Variants in GOLPH3 observed in about 807,000 individuals in gnomAD.
GOLPH3 encodes coat protein GPP34.
In GOLPH3, 14 loss-of-function variants were observed where a neutral mutation model predicts 28.5. The observed-to-expected ratio is 0.49, with a 90% CI of 0.32 to 0.77. The LOEUF (loss-of-function observed/expected upper bound fraction) is 0.77. GOLPH3 is among the 30% of genes least tolerant of loss of function. The pLI is 0.03. For missense variants in GOLPH3, 350 were observed against 393.7 expected, an observed-to-expected ratio of 0.89 and a Z score of 0.94; for synonymous variants, 158 against 159.2, an observed-to-expected ratio of 0.99 and a Z score of 0.06.
chr5:32,147,467 G>A (rs75752091), intron 1 of GOLPH3, among the ~76,000 whole-genome samples: 3,597 of 152,076 alleles, frequency 0.024, 128 homozygotes, highest in East Asian at 0.17. Flanking sequence ...TCCTGGTGCA[G>A]AGGTTATTAC....
At chr5:32,142,535 G>T (rs1307552156) in intron 2 of GOLPH3, among the ~76,000 whole-genome samples, 3 of 138,880 alleles carry the variant, frequency 2.2e-5, no homozygotes, top group East Asian at 4.5e-4. Context: ...GCCTCTGCCC[G>T]GCCGCCCCTA....
chr5:32,143,189 C>G (rs1746119907), intron 2 of GOLPH3, among the ~76,000 whole-genome samples: 1 of 152,166 alleles, frequency 6.6e-6, no homozygotes, highest in African/African-American at 2.4e-5. Context: ...GCTGTATCCA[C>G]TCAGGGTTGA....
chr5:32,155,275 T>G (rs1746394756), intron 1 of GOLPH3, among the ~76,000 whole-genome samples: 2 of 152,286 alleles, frequency 1.3e-5, no homozygotes, highest in African/African-American at 4.8e-5. Context: ...AACCTTGAAC[T>G]GCTGGGCTGA....
At chr5:32,165,651 G>A (rs1325494457) in intron 1 of GOLPH3, among the ~76,000 whole-genome samples, 1 of 152,114 alleles carries the variant, frequency 6.6e-6, no homozygotes, top group Non-Finnish European at 1.5e-5. Flanking sequence ...TATGAGCTTT[G>A]ACACACAGAA....
At chr5:32,127,783 C>G (rs1392555786) in intron 3 of GOLPH3, among the ~76,000 whole-genome samples, 1 of 152,140 alleles carries the variant, frequency 6.6e-6, no homozygotes, top group Non-Finnish European at 1.5e-5. Context: ...GTAATCATTC[C>G]TAAAGCTGCC....
chr5:32,136,148 C>A (rs1444110762), intron 2 of GOLPH3, among the ~76,000 whole-genome samples: 1 of 151,930 alleles, frequency 6.6e-6, no homozygotes, highest in African/African-American at 2.4e-5. Flanking sequence ...GCACTCCACC[C>A]TGGACGAAAG....
At chr5:32,169,111 T>C (rs1215272195) in intron 1 of GOLPH3, among the ~76,000 whole-genome samples, 7 of 150,770 alleles carry the variant, frequency 4.6e-5, no homozygotes, top group Non-Finnish European at 1.0e-4. Flanking sequence ...CCTGTCTTTA[T>C]AAAAAAAAAA....
rs1051870339 is a variant in GOLPH3, at chr5:32,173,930, G to A, written c.105C>T (p.Ser35=). 2.0e-6 allele frequency: 3 copies of A among 1,489,986 alleles called. No homozygotes were observed. Among genetic ancestry groups the A allele is most frequent in the South Asian group, 2.6e-5 (2 of 77,704 alleles). 92.3% of individuals were successfully genotyped at this position (1,489,986 alleles called of 1,614,324 possible). Residue 35 remains serine (S), a synonymous_variant, in exon 1 of 4, where the codon AGC becomes AGT. Coordinates refer to ENST00000265070, the MANE Select transcript of GOLPH3 (RefSeq NM_022130.4). ...GGCGGCTCTGCGCGTCGTCCTCGCT[G>A]CTGCCGGCGCCGCCGCCCGCCGCCC... The part of the protein sequence containing the change: ...KERAAGGGAG[S]SEDDAQSRRD...
intron 1 of GOLPH3, among the ~76,000 whole-genome samples, chr5:32,172,695 AAAAACAAAAC>A (rs1212826822): frequency 6.6e-5 from 10 of 150,892 alleles, no homozygotes; most frequent in Admixed American, 5.9e-4. Flanking sequence ...GCTCCGTCTC[AAAAACAAAAC>A]AAAACAAAAA....
intron 2 of GOLPH3, among the ~76,000 whole-genome samples, chr5:32,140,979 A>C (rs960987919): frequency 6.6e-6 from 1 of 152,020 alleles, no homozygotes; most frequent in African/African-American, 2.4e-5. Flanking sequence ...CCCAGGCAAC[A>C]TAGCAAAACC....
At chr5:32,172,306 C>A (rs55683951) in intron 1 of GOLPH3, among the ~76,000 whole-genome samples, 1,603 of 151,772 alleles carry the variant, frequency 0.011, 33 homozygotes, top group African/African-American at 0.037. Context: ...ATATAAAACT[C>A]GCCTATATCT....
intron 2 of GOLPH3, among the ~76,000 whole-genome samples, chr5:32,138,195 C>T (rs546838527): frequency 6.6e-6 from 1 of 152,180 alleles, no homozygotes; most frequent in South Asian, 2.1e-4. Flanking sequence ...AGCCATCGTG[C>T]CCCACCAATT....
At chr5:32,138,295 A>G (rs1272940421) in intron 2 of GOLPH3, among the ~76,000 whole-genome samples, 1 of 152,248 alleles carries the variant, frequency 6.6e-6, no homozygotes, top group South Asian at 2.1e-4. Context: ...AATTAAAAAT[A>G]TATACATACA....
At position 32,126,379 on chromosome 5, in the gene GOLPH3, G is replaced by A. The variant is rs932429869; in HGVS notation, c.730C>T (p.His244Tyr). 1 of 1,614,192 alleles carries A rather than the reference G, an allele frequency of 6.2e-7. No individual in the cohort carries two copies. The highest frequency in any genetic ancestry group is 1.1e-5 in the South Asian group (1 of 91,082). The change falls in exon 4 of 4, where the codon CAT becomes TAT. Residue 244 changes from histidine to tyrosine, a missense_variant. By Grantham distance (83) the His-to-Tyr change is moderately conservative. Transcript: ENST00000265070. ...GCATTCTCCAGGACGTCCGAGGCAT[G>A]AGCCAGGTAAATGAGGGCCAGCAAG... ...RRLLALIYLA[H>Y]ASDVLENAFA...
At chr5:32,146,779 A>C (rs899568528) in intron 1 of GOLPH3, among the ~76,000 whole-genome samples, 9 of 152,222 alleles carry the variant, frequency 5.9e-5, no homozygotes, top group Admixed American at 6.5e-5. Flanking sequence ...TCTACATGAG[A>C]AACAGATAAA....
intron 3 of GOLPH3, among the ~76,000 whole-genome samples, chr5:32,134,486 G>C (rs1745890301): frequency 1.3e-5 from 2 of 149,312 alleles, no homozygotes; most frequent in Admixed American, 6.7e-5. Context: ...TGGGATTACA[G>C]TAATGAGCCA....
At chr5:32,154,063 C>T (rs1746365514) in intron 1 of GOLPH3, among the ~76,000 whole-genome samples, 1 of 152,248 alleles carries the variant, frequency 6.6e-6, no homozygotes. Flanking sequence ...AAATAACTCC[C>T]ATAGGCTAAA....
At chr5:32,171,049 AC>A (rs1005838781) in intron 1 of GOLPH3, among the ~76,000 whole-genome samples, 12 of 152,312 alleles carry the variant, frequency 7.9e-5, no homozygotes, top group African/African-American at 2.9e-4. Context: ...GGTTTCAATT[AC>A]CCGCCAAATA....
At chr5:32,151,754 TCA>T (rs1282955379) in intron 1 of GOLPH3, among the ~76,000 whole-genome samples, 3 of 152,324 alleles carry the variant, frequency 2.0e-5, no homozygotes, top group South Asian at 4.1e-4. Context: ...AAAACAGTAT[TCA>T]GTCTTAAAAA....
Sources: gnomAD v4.1 joint callset for allele counts (sites outside exome capture counted in the v4.1 genomes callset) on GRCh38, gnomAD v4.1.1 for gene constraint, MANE v1.5 for transcripts, NCBI Gene and HGNC (gene_info 2026-07-23, HGNC 2026-07-21) for gene names.